EPB41L4B: variants seen among roughly 807,000 people sequenced by gnomAD.
The protein encoded by EPB41L4B is erythrocyte membrane protein band 4.1 like 4B.
EPB41L4B carries 30 observed loss-of-function variants against 112.5 expected under a neutral mutation model. The ratio of observed to expected loss-of-function variants is 0.27; its 90% CI spans 0.20 to 0.36. The LOEUF (loss-of-function observed/expected upper bound fraction) is 0.36, where lower values mean the gene tolerates loss of function less well. EPB41L4B is among the 10% of genes least tolerant of loss of function. The probability of loss-of-function intolerance (pLI) is 1.00; values close to 1 mark genes in which losing one functional copy is unlikely to be tolerated. For missense variants in EPB41L4B, 1,024 were observed against 1,133.3 expected (o/e 0.90, Z 1.38); for synonymous variants, 408 against 439.7 (o/e 0.93, Z 0.90).
chr9:109,302,389 A>G (rs971499054), intron 1 of EPB41L4B, among the ~76,000 whole-genome samples: 1 of 152,222 alleles, frequency 6.6e-6, no homozygotes, highest in African/African-American at 2.4e-5. Context: ...GACACCAGTC[A>G]TATTGGATTA....
chr9:109,299,720 T>C (rs926089357), intron 1 of EPB41L4B, among the ~76,000 whole-genome samples: 11 of 152,118 alleles, frequency 7.2e-5, no homozygotes, highest in African/African-American at 2.4e-4. Context: ...ATACAGAACA[T>C]TTTCAGCAAT....
chr9:109,249,406 C>T (rs1429513749), intron 13 of EPB41L4B, among the ~76,000 whole-genome samples: 1 of 150,582 alleles, frequency 6.6e-6, no homozygotes, highest in Non-Finnish European at 1.5e-5. Context: ...ACCCTGGGAT[C>T]CCACAGGCTG....
At position 109,265,029 on chromosome 9, in the gene EPB41L4B, C is replaced by T; in HGVS notation, c.534-5G>A. On this transcript the variant is annotated splice_region_variant and splice_polypyrimidine_tract_variant and intron_variant, in intron 4 of 25. Transcript: ENST00000374566. Reference sequence around the variant, plus strand: ...AGTTGTAAAACAAACAGGTACCTGACAAACATATACAAAAGTCAACAGAGG... The same window carrying T: ...AGTTGTAAAACAAACAGGTACCTGATAAACATATACAAAAGTCAACAGAGG... The T allele has an allele frequency of 1.2e-6, 2 of 1,601,052 alleles. No homozygotes were observed.
In EPB41L4B at chr9:109,194,370, C is replaced by T; in HGVS notation, c.2073G>A (p.Leu691=). Residue 691 remains leucine, a synonymous_variant, in exon 21 of 26, where the codon CTG becomes CTA. Coordinates refer to ENST00000374566, the MANE Select transcript of EPB41L4B (RefSeq NM_019114.5). ...ATGTGGTCACTCCCACTGCCTCGGC[C>T]AGGTCTGGAGGGAGGTCGTCTTCAT... ...SFDEDDLPPD[L]AEAVGVTTST... 6.2e-7 allele frequency: 1 copy of T among 1,614,118 alleles called. No homozygotes were observed. Among genetic ancestry groups the T allele is most frequent in the Non-Finnish European group, 8.5e-7 (1 of 1,180,000 alleles).
intron 1 of EPB41L4B, among the ~76,000 whole-genome samples, chr9:109,303,473 G>A (rs1837056857): frequency 6.6e-6 from 1 of 151,912 alleles, no homozygotes; most frequent in Non-Finnish European, 1.5e-5. Flanking sequence ...AGCCTCCCAA[G>A]TAGCTGGGAT....
intron 1 of EPB41L4B, among the ~76,000 whole-genome samples, chr9:109,288,751 A>AAAAAAAAAAAAAAT (rs1836405452): frequency 6.8e-6 from 1 of 147,692 alleles, no homozygotes; most frequent in African/African-American, 2.5e-5. Flanking sequence ...AAAAAAAAAA[A>AAAAAAAAAAAAAAT]AAAGCTGGGT....
At chr9:109,232,206 G>A (rs1482605842) in intron 15 of EPB41L4B, among the ~76,000 whole-genome samples, 3 of 151,896 alleles carry the variant, frequency 2.0e-5, no homozygotes, top group African/African-American at 7.3e-5. Flanking sequence ...TGGCCAGGCT[G>A]GTCTCAAACT....
At chr9:109,195,344 C>T (rs547132821) in intron 20 of EPB41L4B, among the ~76,000 whole-genome samples, 33 of 152,266 alleles carry the variant, frequency 2.2e-4, no homozygotes, top group Non-Finnish European at 4.0e-4. Flanking sequence ...AACATGAGGC[C>T]GTGAGACAAA....
At chr9:109,267,180 T>C (rs1010550336) in intron 4 of EPB41L4B, among the ~76,000 whole-genome samples, 1 of 152,200 alleles carries the variant, frequency 6.6e-6, no homozygotes, top group South Asian at 2.1e-4. Context: ...CTTTTTGTAG[T>C]TGAGATAAAA....
At position 109,320,541 on chromosome 9, in the gene EPB41L4B, T is replaced by G; in HGVS notation, c.-95A>C. ...CGCCCGGGAGCGTCCCGCGACGCCGTCAGTGCCCTCGGCCGCCCGCGCCGC... is the reference window on the plus strand; with the variant it reads ...CGCCCGGGAGCGTCCCGCGACGCCGGCAGTGCCCTCGGCCGCCCGCGCCGC... On this transcript the variant is annotated 5_prime_UTR_variant, in exon 1 of 26. Coordinates refer to ENST00000374566, the MANE Select transcript of EPB41L4B (RefSeq NM_019114.5). 1 of 719,682 alleles carries G rather than the reference T, an allele frequency of 1.4e-6. No homozygotes were observed. The highest frequency in any genetic ancestry group is 1.7e-6 in the Non-Finnish European group (1 of 592,008). 44.6% of individuals were successfully genotyped at this position (719,682 alleles called of 1,614,324 possible).
intron 2 of EPB41L4B, among the ~76,000 whole-genome samples, chr9:109,276,316 G>GT (rs935432335): frequency 1.3e-5 from 2 of 151,620 alleles, no homozygotes; most frequent in Non-Finnish European, 2.9e-5. Flanking sequence ...GGTGAGGGGG[G>GT]GGTCATCTGA....
chr9:109,188,933 G>T (rs1254122050), intron 22 of EPB41L4B, among the ~76,000 whole-genome samples: 1 of 152,166 alleles, frequency 6.6e-6, no homozygotes, highest in African/African-American at 2.4e-5. Flanking sequence ...TACCTGGGGA[G>T]GGAAGCTAGC....
intron 13 of EPB41L4B, among the ~76,000 whole-genome samples, chr9:109,250,971 T>C (rs1834766962): frequency 6.6e-6 from 1 of 152,236 alleles, no homozygotes; most frequent in Non-Finnish European, 1.5e-5. Context: ...ACATGGACTA[T>C]GTGGCCCTTT....
chr9:109,227,872 G>A (rs1295776287), intron 15 of EPB41L4B, among the ~76,000 whole-genome samples: 3 of 152,046 alleles, frequency 2.0e-5, no homozygotes, highest in African/African-American at 2.4e-5. Context: ...GAGCCACAAC[G>A]CCTGGCCCCT....
chr9:109,226,725 AG>A (rs1468053563), intron 15 of EPB41L4B, among the ~76,000 whole-genome samples: 6 of 131,370 alleles, frequency 4.6e-5, no homozygotes, highest in Non-Finnish European at 6.4e-5. Context: ...ATATATATGA[AG>A]TATATATATG....
chr9:109,226,726 G>GTATATATATGAAGAA (rs1319754156), intron 15 of EPB41L4B, among the ~76,000 whole-genome samples: 2 of 119,864 alleles, frequency 1.7e-5, no homozygotes, highest in African/African-American at 3.1e-5. Context: ...TATATATGAA[G>GTATATATATGAAGAA]TATATATATG....
chr9:109,281,600 G>A (rs558669075), intron 1 of EPB41L4B, among the ~76,000 whole-genome samples: 2 of 152,256 alleles, frequency 1.3e-5, no homozygotes, highest in South Asian at 4.1e-4. Flanking sequence ...TATTCAGGAG[G>A]CTGAGGTCGG....
chr9:109,265,494 C>G (rs1432547620), intron 4 of EPB41L4B, among the ~76,000 whole-genome samples: 3 of 151,988 alleles, frequency 2.0e-5, no homozygotes. Context: ...GGGTTCTTTT[C>G]CCCTGATGCA....
rs535737929 is a variant in EPB41L4B, at chr9:109,227,667, C to T, written c.1410-10522G>A. 3.9e-5 allele frequency among the ~76,000 whole-genome samples: 6 copies of T among 152,038 alleles called. No homozygotes were observed. The East Asian group carries it at 7.7e-4, about 20-fold the overall frequency. On this transcript the variant is annotated intron_variant, in intron 15 of 25. Coordinates refer to ENST00000374566, the MANE Select transcript of EPB41L4B (RefSeq NM_019114.5). ...CGTGATCTCGGCTCACTGCAACCTC[C>T]GCCTCCTGGATTCAAGCGATTCTCC... is the stretch of plus-strand genomic sequence containing the variant.
Sources: allele counts gnomAD v4.1 joint callset (sites outside exome capture counted in the v4.1 genomes callset), GRCh38; gene constraint gnomAD v4.1.1; transcripts MANE v1.5; gene names NCBI Gene and HGNC (gene_info 2026-07-23, HGNC 2026-07-21).